STARD13: variants seen among roughly 807,000 people sequenced by gnomAD.
STARD13 encodes stAR-related lipid transfer protein 13.
In STARD13, 62 loss-of-function variants were observed where a neutral mutation model predicts 106.4. That is an observed-to-expected ratio of 0.58 (90% CI 0.48 to 0.72). STARD13 has a LOEUF of 0.72. Among genes scored for constraint, STARD13 ranks in the 30% least tolerant of loss-of-function variants. STARD13 has a pLI of 0.00. For missense variants in STARD13, 1,387 were observed against 1,424.0 expected (o/e 0.97, Z 0.42); for synonymous variants, 565 against 553.0 (o/e 1.02, Z -0.31).
At position 33,165,338 on chromosome 13, in the gene STARD13, T is replaced by A; in HGVS notation, c.322A>T (p.Arg108Ter). The A allele has an allele frequency of 6.2e-7, 1 of 1,610,124 alleles. No individual in the cohort carries two copies. ...LEKDLVEPLCRRLNTLNKCAS... is the reference protein window; with the variant it reads ...LEKDLVEPLC ...ACAAAAATACTTCACATGGTTTACC[T>A]GCAAAGAGGTTCTACAAGGTCCTTT... The change falls in exon 3 of 14, where the codon AGA becomes TGA. Residue 108 changes from arginine (R) to a stop codon, truncating the protein, a stop_gained and splice_region_variant. Coordinates refer to ENST00000336934, the MANE Select transcript of STARD13 (RefSeq NM_178006.4). LOFTEE classifies it high-confidence loss of function.
chr13:33,201,341 C>A (rs1454653430), intron 1 of STARD13, among the ~76,000 whole-genome samples: 2 of 152,198 alleles, frequency 1.3e-5, no homozygotes, highest in Non-Finnish European at 2.9e-5. Context: ...ATCCCGTGTT[C>A]AACTGACTAC....
chr13:33,480,122 AT>A, the STARD13 span, among the ~76,000 whole-genome samples: 2 of 152,228 alleles, frequency 1.3e-5, 1 homozygote, highest in South Asian at 4.1e-4. Flanking sequence ...TTGTATGTGT[AT>A]TTATAACACA....
At chr13:33,313,865 C>A (rs1470632367) in intron 1 of STARD13, among the ~76,000 whole-genome samples, 1 of 152,170 alleles carries the variant, frequency 6.6e-6, no homozygotes, top group Admixed American at 6.5e-5. Context: ...AACAACTCAT[C>A]ATCGTCTTTT....
chr13:33,494,240 TC>T, the STARD13 span, among the ~76,000 whole-genome samples: 1 of 152,112 alleles, frequency 6.6e-6, no homozygotes, highest in Non-Finnish European at 1.5e-5. Flanking sequence ...CCACCCAGTA[TC>T]CCCTTTCTGA....
chr13:33,508,303 T>C, the STARD13 span, among the ~76,000 whole-genome samples: 1 of 152,222 alleles, frequency 6.6e-6, no homozygotes, highest in Non-Finnish European at 1.5e-5. Flanking sequence ...TTTACAATTT[T>C]GGTTGTGTTG....
At chr13:33,423,734 C>T in the STARD13 span, among the ~76,000 whole-genome samples, 1 of 152,154 alleles carries the variant, frequency 6.6e-6, no homozygotes, top group Non-Finnish European at 1.5e-5. Flanking sequence ...GAAAATGTGG[C>T]ACATATACAT....
At chr13:33,161,175 C>T (rs970887204) in intron 3 of STARD13, among the ~76,000 whole-genome samples, 4 of 152,120 alleles carry the variant, frequency 2.6e-5, no homozygotes, top group African/African-American at 7.2e-5. Flanking sequence ...AGGCTACATG[C>T]TGTTTGATTT....
the STARD13 span, among the ~76,000 whole-genome samples, chr13:33,389,422 G>A: frequency 1.3e-5 from 2 of 152,134 alleles, no homozygotes; most frequent in Non-Finnish European, 2.9e-5. Context: ...GTGGAGGAAA[G>A]CAGAGAAACC....
chr13:33,279,634 G>T (rs1891662309), intron 1 of STARD13: 1 of 152,144 alleles, frequency 6.6e-6, no homozygotes, highest in South Asian at 2.1e-4. Context: ...CAACTCCAAT[G>T]GATTGGCCAC....
the STARD13 span, among the ~76,000 whole-genome samples, chr13:33,523,945 ATGAAT>A: frequency 2.0e-5 from 3 of 152,262 alleles, no homozygotes; most frequent in Admixed American, 6.5e-5. Flanking sequence ...AAATGAAGAG[ATGAAT>A]TGAAGTATGT....
At chr13:33,473,913 CA>C in the STARD13 span, among the ~76,000 whole-genome samples, 2 of 152,182 alleles carry the variant, frequency 1.3e-5, no homozygotes, top group Non-Finnish European at 2.9e-5. Context: ...GCAGGTTAAA[CA>C]AGCTCAACCA....
chr13:33,315,922 A>G (rs1459094841), intron 1 of STARD13, among the ~76,000 whole-genome samples: 1 of 152,096 alleles, frequency 6.6e-6, no homozygotes, highest in Non-Finnish European at 1.5e-5. Context: ...ATGCTCCCAA[A>G]ATGTTATAAA....
chr13:33,659,681 T>C, the STARD13 span: 1 of 152,220 alleles, frequency 6.6e-6, no homozygotes, highest in South Asian at 2.1e-4. Context: ...GCTTGCTTGG[T>C]GCGTGGGGAA....
At chr13:33,445,663 ACAGCT>A in the STARD13 span, among the ~76,000 whole-genome samples, 34 of 152,170 alleles carry the variant, frequency 2.2e-4, no homozygotes, top group Admixed American at 2.0e-4. Context: ...GGTATCCCGA[ACAGCT>A]CAAAACTGGG....
At chr13:33,218,645 T>C (rs138697744) in intron 1 of STARD13, among the ~76,000 whole-genome samples, 2 of 152,240 alleles carry the variant, frequency 1.3e-5, no homozygotes, top group South Asian at 2.1e-4. Context: ...GTCTGACTCA[T>C]AGGAACCTGT....
the STARD13 span, among the ~76,000 whole-genome samples, chr13:33,364,348 A>C: frequency 6.6e-6 from 1 of 152,054 alleles, no homozygotes; most frequent in Non-Finnish European, 1.5e-5. Context: ...CTCCACTCAA[A>C]CCAGAGTGGG....
At chr13:33,493,178 T>C in the STARD13 span, among the ~76,000 whole-genome samples, 3 of 152,170 alleles carry the variant, frequency 2.0e-5, no homozygotes, top group African/African-American at 7.2e-5. Context: ...AAGTTTGCCA[T>C]GATCACCTGA....
the STARD13 span, among the ~76,000 whole-genome samples, chr13:33,579,288 A>G: frequency 2.0e-5 from 3 of 152,120 alleles, no homozygotes; most frequent in South Asian, 6.2e-4. Flanking sequence ...AAAATGTGCT[A>G]CTATACACAT....
chr13:33,315,046 G>C (rs535953757), intron 1 of STARD13, among the ~76,000 whole-genome samples: 1 of 152,274 alleles, frequency 6.6e-6, no homozygotes, highest in East Asian at 1.9e-4. Flanking sequence ...TCTGGATGAT[G>C]TGTGTCCTCT....
Sources: allele counts gnomAD v4.1 joint callset (sites outside exome capture counted in the v4.1 genomes callset), GRCh38; gene constraint gnomAD v4.1.1; transcripts MANE v1.5; gene names NCBI Gene and HGNC (gene_info 2026-07-23, HGNC 2026-07-21).